TESC: variants seen among roughly 807,000 people sequenced by gnomAD.
The protein encoded by TESC is tescalcin.
Under a neutral mutation model 31.0 loss-of-function variants are expected in TESC, and 19 were observed. That is an observed-to-expected ratio of 0.61 (90% CI 0.43 to 0.90). The LOEUF (loss-of-function observed/expected upper bound fraction) is 0.90. Ranked by LOEUF, TESC falls within the 40% of genes least tolerant of loss-of-function variation. The probability of loss-of-function intolerance (pLI) is 0.00; values close to 1 mark genes in which losing one functional copy is unlikely to be tolerated. For synonymous variants in TESC, 109 were observed against 114.8 expected (o/e 0.95, Z 0.32); for missense variants, 248 against 303.8 (o/e 0.82, Z 1.36).
At chr12:117,046,483 C>A in intron 6 of TESC, 76 bp downstream of exon 6, 1 of 1,419,054 alleles carries the variant, frequency 7.0e-7, no homozygotes, top group South Asian at 1.4e-5. Context: ...GCCCCTGCCC[C>A]ATGAGGCCTT....
At chr12:117,098,888 G>C (rs968836036) in intron 1 of TESC, among the ~76,000 whole-genome samples, 1 of 151,690 alleles carries the variant, frequency 6.6e-6, no homozygotes, top group Non-Finnish European at 1.5e-5. Flanking sequence ...CGCGCCAGCG[G>C]GGGTGCCTGA....
chr12:117,094,448 T>C (rs1294528520), intron 1 of TESC, among the ~76,000 whole-genome samples: 1 of 152,172 alleles, frequency 6.6e-6, no homozygotes, highest in Non-Finnish European at 1.5e-5. Flanking sequence ...ACTGTGCCCC[T>C]TTAACGTGAG....
Position 117,082,060 on chromosome 12 carries a change from CA to C in TESC, c.59-6721del, listed in dbSNP as rs61375772. On this transcript the variant is annotated intron_variant, in intron 1 of 7. Transcript: ENST00000335209. Reference sequence around the variant, plus strand: ...GCAAGACAGGAAGATCCCATCTATACAAAAAAAAAAAAAAATCAAAAAATTA... The same window carrying C: ...GCAAGACAGGAAGATCCCATCTATACAAAAAAAAAAAAAATCAAAAAATTA... Among the ~76,000 whole-genome samples the C allele has an allele frequency of 4.1e-3, 486 of 118,998 alleles. 5 individuals carry two copies. The highest frequency in any genetic ancestry group is 9.6e-3 in the African/African-American group (314 of 32,724). The allele number at this position is 118,998 out of a possible 152,430, so 78.1% of individuals were successfully genotyped here. A position where few individuals can be genotyped will look rare whatever the true frequency, so the allele number is the denominator to read the frequency against.
intron 1 of TESC, among the ~76,000 whole-genome samples, chr12:117,081,199 C>T (rs1456650932): frequency 1.3e-5 from 2 of 152,162 alleles, no homozygotes; most frequent in Admixed American, 6.5e-5. Flanking sequence ...GTGGTAAGCC[C>T]AGACTGAGAT....
At chr12:117,081,046 G>A (rs1460654381) in intron 1 of TESC, among the ~76,000 whole-genome samples, 1 of 152,212 alleles carries the variant, frequency 6.6e-6, no homozygotes, top group Non-Finnish European at 1.5e-5. Context: ...CAACCTGAGG[G>A]AAATGCACAC....
intron 2 of TESC, among the ~76,000 whole-genome samples, chr12:117,061,661 C>T (rs1469491304): frequency 1.3e-5 from 2 of 152,264 alleles, no homozygotes; most frequent in African/African-American, 4.8e-5. Flanking sequence ...CTCTCTCTCT[C>T]TCTCTCCATA....
chr12:117,075,313 T>C lies in TESC; in HGVS notation c.86A>G (p.His29Arg). The C allele has an allele frequency of 1.9e-6, 3 of 1,611,634 alleles. No individual in the cohort carries two copies. Among genetic ancestry groups the C allele is most frequent in the South Asian group, 1.1e-5 (1 of 91,060 alleles). The change falls in exon 2 of 8, where the codon CAT (histidine) becomes CGT (arginine). Residue 29 changes from histidine (H) to arginine (R), a missense_variant. Coordinates refer to ENST00000335209, the MANE Select transcript of TESC (RefSeq NM_017899.4). ...GFSSDQIEQLHRRFKQLSGDQ... is the reference protein window; with the variant it reads ...GFSSDQIEQLRRRFKQLSGDQ... ...TCCACTCAGCTGCTTAAATCTCCGA[T>C]GGAGCTGCTCGATCTGATCCGATGA...
chr12:117,058,565 T>TAAAAAAA (rs10637829), intron 2 of TESC, among the ~76,000 whole-genome samples: 1 of 113,328 alleles, frequency 8.8e-6, no homozygotes, highest in African/African-American at 3.3e-5. Context: ...GTAAAGCTGT[T>TAAAAAAA]AAAAAAAAAA....
At chr12:117,050,489 G>A (rs899605319) in intron 3 of TESC, among the ~76,000 whole-genome samples, 6 of 152,186 alleles carry the variant, frequency 3.9e-5, no homozygotes, top group Non-Finnish European at 8.8e-5. Flanking sequence ...GAGACTGGCC[G>A]TACAAATGTG....
intron 7 of TESC, among the ~76,000 whole-genome samples, chr12:117,040,402 C>T (rs994498921): frequency 2.6e-5 from 4 of 152,216 alleles, no homozygotes; most frequent in Non-Finnish European, 5.9e-5. Context: ...AAAGATCCCT[C>T]AGGGGTACAG....
At chr12:117,052,029 C>T (rs1213008932) in intron 3 of TESC, among the ~76,000 whole-genome samples, 1 of 152,194 alleles carries the variant, frequency 6.6e-6, no homozygotes, top group Non-Finnish European at 1.5e-5. Flanking sequence ...CTGCCTTAGC[C>T]TCCTGGAGTA....
chr12:117,048,851 G>T, intron 4 of TESC, 168 bp downstream of exon 4: 1 of 1,060,826 alleles, frequency 9.4e-7, no homozygotes, highest in Non-Finnish European at 1.4e-6. Context: ...GGGAACGGGA[G>T]ACAGCAATGC....
At chr12:117,083,089 A>AT (rs35709896) in intron 1 of TESC, among the ~76,000 whole-genome samples, 241 of 148,398 alleles carry the variant, frequency 1.6e-3, no homozygotes, top group Middle Eastern at 3.5e-3. Context: ...CTCCAAAACA[A>AT]TTTTTTTTTT....
At chr12:117,075,923 G>GTGTGTGTATA (rs1280720061) in intron 1 of TESC, among the ~76,000 whole-genome samples, 3 of 68,704 alleles carry the variant, frequency 4.4e-5, no homozygotes, top group African/African-American at 7.4e-5. Flanking sequence ...ATGTGTGTGT[G>GTGTGTGTATA]TATATATATA....
At chr12:117,040,580 C>A (rs1195536605) in intron 7 of TESC, among the ~76,000 whole-genome samples, 1 of 150,534 alleles carries the variant, frequency 6.6e-6, no homozygotes, top group Non-Finnish European at 1.5e-5. Flanking sequence ...TTGTCTTGCT[C>A]TGGCGGGCGT....
At chr12:117,086,842 C>G (rs551149593) in intron 1 of TESC, among the ~76,000 whole-genome samples, 1 of 152,212 alleles carries the variant, frequency 6.6e-6, no homozygotes, top group African/African-American at 2.4e-5. Flanking sequence ...ATGCAGGAGA[C>G]GCTGGGGTTG....
chr12:117,056,372 T>G (rs746914284), intron 3 of TESC, among the ~76,000 whole-genome samples: 2 of 152,102 alleles, frequency 1.3e-5, no homozygotes, highest in African/African-American at 2.4e-5. Context: ...TTTTCTTTTT[T>G]AAAAAGTCTT....
In TESC at chr12:117,039,146, G is replaced by T; in HGVS notation, c.632C>A (p.Ala211Asp). ...GGTGGCGGTGGGTCAGTGGCAGAGG[G>T]CCATGGTTTCCATGTTAAGGAAGCG... ...HVRFLNMETM[A>D]LCH is the part of the protein sequence containing the mutation. The change falls in exon 8 of 8, where the codon GCC (alanine) becomes GAC (aspartate). Residue 211 changes from alanine (A) to aspartate (D), a missense_variant. Physicochemically the swap from Ala to Asp is moderately radical, Grantham distance 126 (BLOSUM62 -2). Coordinates refer to ENST00000335209, the MANE Select transcript of TESC (RefSeq NM_017899.4). 1 of 1,614,076 alleles carries T rather than the reference G, an allele frequency of 6.2e-7. No individual in the cohort carries two copies. The highest frequency in any genetic ancestry group is 8.5e-7 in the Non-Finnish European group (1 of 1,179,996).
intron 6 of TESC, among the ~76,000 whole-genome samples, chr12:117,042,533 C>CA (rs944466730): frequency 2.6e-5 from 4 of 152,174 alleles, no homozygotes; most frequent in African/African-American, 9.7e-5. Context: ...GCCCACGCCT[C>CA]ATGCCTCGTG....
Sources: gnomAD v4.1 joint callset for allele counts (sites outside exome capture counted in the v4.1 genomes callset) on GRCh38, gnomAD v4.1.1 for gene constraint, MANE v1.5 for transcripts, NCBI Gene and HGNC (gene_info 2026-07-23, HGNC 2026-07-21) for gene names.